The following KLF5 variants were observed in gnomAD, a reference collection of about 807,000 sequenced individuals.
The protein encoded by KLF5 is Krueppel-like factor 5.
In KLF5, 9 loss-of-function variants were observed where a neutral mutation model predicts 36.9. That is an observed-to-expected ratio of 0.24 (90% CI 0.15 to 0.43). KLF5 has a LOEUF of 0.43. KLF5 is among the 20% of genes least tolerant of loss of function. The probability of loss-of-function intolerance (pLI) is 1.00; values close to 1 mark genes in which losing one functional copy is unlikely to be tolerated. For missense variants in KLF5, 524 were observed against 599.5 expected, an observed-to-expected ratio of 0.87 and a Z score of 1.31; for synonymous variants, 246 against 241.7, an observed-to-expected ratio of 1.02 and a Z score of -0.17.
Position 73,073,874 on chromosome 13 carries a change from C to T in KLF5, c.1196-1834C>T, listed in dbSNP as rs117720422. 6.4e-3 allele frequency among the ~76,000 whole-genome samples: 977 copies of T among 152,168 alleles called. 8 individuals are homozygous for T. The highest frequency in any genetic ancestry group is 0.044 in the Middle Eastern group (13 of 294). ...TTTTATGTGATTGTAAGTGACAGAA[C>T]GTGATTTATACTTTGTTTTGTAAAT... On this transcript the variant is annotated intron_variant, in intron 3 of 3. Transcript: ENST00000377687.
chr13:73,060,713 C>T (rs1464213150), intron 1 of KLF5: 1 of 152,174 alleles, frequency 6.6e-6, no homozygotes, highest in Non-Finnish European at 1.5e-5. Flanking sequence ...AAATGACTGT[C>T]TTATTTACCT....
chr13:73,059,780 G>A, intron 1 of KLF5, 192 bp downstream of exon 1: 1 of 738,644 alleles, frequency 1.4e-6, no homozygotes, highest in African/African-American at 1.9e-5. Flanking sequence ...TAAATGGGGG[G>A]GGGGGCCGGG....
intron 1 of KLF5, chr13:73,059,988 C>T (rs1037190844): frequency 3.5e-5 from 6 of 172,556 alleles, no homozygotes; most frequent in Non-Finnish European, 4.6e-5. Flanking sequence ...AGCCCTCCCC[C>T]CCATCCCCAT....
chr13:73,059,324 GC>G lies in KLF5; in HGVS notation c.-1del. 2 of 1,388,832 alleles carry G rather than the reference GC, an allele frequency of 1.4e-6. No individual in the cohort carries two copies. The highest frequency in any genetic ancestry group is 1.9e-6 in the Non-Finnish European group (2 of 1,072,250). 86.0% of individuals were successfully genotyped at this position (1,388,832 alleles called of 1,614,324 possible). On this transcript the variant is annotated 5_prime_UTR_variant, in exon 1 of 4. Transcript: ENST00000377687. ...CGCGCCTGGAGCTGCGCCCCCGAGT[GC>G]CCATGGCTACAAGGGTGCTGAGCAT... is the stretch of plus-strand genomic sequence containing the variant.
At chr13:73,056,078 T>C (rs2044581555), upstream of KLF5, among the ~76,000 whole-genome samples, 1 of 152,104 alleles carries the variant, frequency 6.6e-6, no homozygotes, top group East Asian at 1.9e-4. Flanking sequence ...TTCCACTGCC[T>C]CCTTCAAACC....
upstream of KLF5, among the ~76,000 whole-genome samples, chr13:73,056,934 G>GTT (rs36117211): frequency 6.7e-3 from 996 of 149,320 alleles, 33 homozygotes; most frequent in East Asian, 0.098. Context: ...TAGTTGTATG[G>GTT]TTTTTTTTTT....
chr13:73,071,745 G>A (rs943304293), intron 3 of KLF5, among the ~76,000 whole-genome samples: 3 of 152,068 alleles, frequency 2.0e-5, no homozygotes, highest in Admixed American at 6.6e-5. Flanking sequence ...TGAAATAAGA[G>A]CCCATTTTGA....
At chr13:73,063,594 C>A (rs1333022493) in intron 2 of KLF5, among the ~76,000 whole-genome samples, 1 of 152,124 alleles carries the variant, frequency 6.6e-6, no homozygotes, top group African/African-American at 2.4e-5. Context: ...TGTAGTTTGG[C>A]TTGATTATCT....
chr13:73,068,489 AG>A (rs2044697672), intron 3 of KLF5, among the ~76,000 whole-genome samples: 1 of 152,084 alleles, frequency 6.6e-6, no homozygotes, highest in South Asian at 2.1e-4. Context: ...GGATCACCTG[AG>A]TTTAGGGGTT....
At position 73,059,544 on chromosome 13, in the gene KLF5, C is replaced by T. The variant is rs1454415026; in HGVS notation, c.217C>T (p.Pro73Ser). The change falls in exon 1 of 4, where the codon CCG becomes TCG. Residue 73 changes from proline to serine, a missense_variant. Transcript: ENST00000377687. ...APAQAPQPAQ[P>S]PATGPRLPPE... ...CGCGCAGGCCCCGCAGCCGGCCCAG[C>T]CGCCCGCCACCGGCCCGCGGCTGCC... The T allele has an allele frequency of 1.7e-6, 2 of 1,175,420 alleles. No homozygotes were observed. The highest frequency in any genetic ancestry group is 2.1e-6 in the Non-Finnish European group (2 of 955,828). 72.8% of individuals were successfully genotyped at this position (1,175,420 alleles called of 1,614,324 possible). A position where few individuals can be genotyped will look rare whatever the true frequency, so the allele number is the denominator to read the frequency against.
rs907488423 is a variant in KLF5, at chr13:73,059,069, T to C, written c.-259T>C. 8.9e-6 allele frequency: 3 copies of C among 336,644 alleles called. No individual in the cohort carries two copies. Among genetic ancestry groups the C allele is most frequent in the Non-Finnish European group, 1.1e-5 (2 of 186,954 alleles). The allele number at this position is 336,644 out of a possible 1,614,324, so 20.9% of individuals were successfully genotyped here. ...GAGGTCGGCGGTGGCGGGAGCGGGCTCCGGAGAGCCTGAGAGCACGGTGGG... is the reference window on the plus strand; with the variant it reads ...GAGGTCGGCGGTGGCGGGAGCGGGCCCCGGAGAGCCTGAGAGCACGGTGGG... On this transcript the variant is annotated 5_prime_UTR_variant, in exon 1 of 4. Coordinates refer to ENST00000377687, the MANE Select transcript of KLF5 (RefSeq NM_001730.5).
At chr13:73,059,687 G>T in intron 1 of KLF5, 99 bp downstream of exon 1, 1 of 1,006,682 alleles carries the variant, frequency 9.9e-7, no homozygotes, top group Non-Finnish European at 1.2e-6. Flanking sequence ...AGGCTGGGGC[G>T]TGCGTCGGGG....
chr13:73,062,194 G>A lies in KLF5; in HGVS notation c.595G>A (p.Ala199Thr), dbSNP rs778424957. 3 of 1,613,994 alleles carry A rather than the reference G, an allele frequency of 1.9e-6. No individual in the cohort carries two copies. The highest frequency in any genetic ancestry group is 2.5e-6 in the Non-Finnish European group (3 of 1,179,984). ...CAGTATATTCAGCTCACACCAGACC[G>A]CAGCTCCAGAGGTGAACAATATTTT... ...FTSIFSSHQT[A>T]APEVNNIFIK... Residue 199 changes from alanine to threonine, a missense_variant, in exon 2 of 4, where the codon GCA becomes ACA. Coordinates refer to ENST00000377687, the MANE Select transcript of KLF5 (RefSeq NM_001730.5).
chr13:73,063,722 TGA>T, intron 2 of KLF5, 100 bp from the exon 3 acceptor site: 1 of 805,004 alleles, frequency 1.2e-6, no homozygotes, highest in Non-Finnish European at 2.1e-6. Context: ...TCATCTAGCA[TGA>T]GAGATTTCTT....
chr13:73,060,361 GA>G lies in KLF5; in HGVS notation c.261+782del, dbSNP rs937219039. Among the ~76,000 whole-genome samples, 19 of 150,942 alleles carry G rather than the reference GA, an allele frequency of 1.3e-4. No homozygotes were observed. The East Asian group carries it at 2.9e-3, about 23-fold the overall frequency. On this transcript the variant is annotated intron_variant, in intron 1 of 3. Coordinates refer to ENST00000377687, the MANE Select transcript of KLF5 (RefSeq NM_001730.5). ...CCCGGGACTTTTAGCCTGTCCCAAG[GA>G]AAAAAAAATTGGAAACATACCCACA...
chr13:73,060,960 G>C (rs775350151), intron 1 of KLF5, among the ~76,000 whole-genome samples: 1 of 152,156 alleles, frequency 6.6e-6, no homozygotes, highest in Non-Finnish European at 1.5e-5. Flanking sequence ...GCACTAAGAA[G>C]ATAAGGGATG....
intron 3 of KLF5, among the ~76,000 whole-genome samples, chr13:73,074,308 G>A (rs2044743336): frequency 6.6e-6 from 1 of 152,130 alleles, no homozygotes. Flanking sequence ...GCTAAATTAG[G>A]CAGAAAGGTT....
intron 3 of KLF5, among the ~76,000 whole-genome samples, chr13:73,073,369 T>C (rs1363391805): frequency 1.3e-5 from 2 of 152,228 alleles, no homozygotes; most frequent in African/African-American, 2.4e-5. Flanking sequence ...TATTCTTGGC[T>C]GAATACTCTA....
upstream of KLF5, among the ~76,000 whole-genome samples, chr13:73,056,134 C>T (rs865969374): frequency 2.0e-5 from 3 of 151,990 alleles, no homozygotes; most frequent in South Asian, 2.1e-4. Context: ...CATATTCATC[C>T]GTATTTATTC....
Sources: allele counts gnomAD v4.1 joint callset (sites outside exome capture counted in the v4.1 genomes callset), GRCh38; gene constraint gnomAD v4.1.1; transcripts MANE v1.5; gene names NCBI Gene and HGNC (gene_info 2026-07-23, HGNC 2026-07-21).